The following SLC4A5 variants were observed in gnomAD, a reference collection of about 807,000 sequenced individuals.
SLC4A5 encodes the protein electrogenic sodium bicarbonate cotransporter 4.
Under a neutral mutation model 120.4 loss-of-function variants are expected in SLC4A5, and 96 were observed. The ratio of observed to expected loss-of-function variants is 0.80; its 90% confidence interval spans 0.68 to 0.94. The LOEUF (loss-of-function observed/expected upper bound fraction) is 0.94, where lower values mean the gene tolerates loss of function less well. Among genes scored for constraint, SLC4A5 ranks in the 40% least tolerant of loss-of-function variants. The pLI, the probability that SLC4A5 is intolerant of heterozygous loss-of-function variation, is 0.00. For synonymous variants in SLC4A5, 550 were observed against 571.1 expected (o/e 0.96, Z 0.53); for missense variants, 1,259 against 1,459.5 (o/e 0.86, Z 2.24).
At chr2:74,254,917 T>G (rs1670914235) in intron 13 of SLC4A5, among the ~76,000 whole-genome samples, 2 of 151,360 alleles carry the variant, frequency 1.3e-5, no homozygotes, top group African/African-American at 2.4e-5. Flanking sequence ...CCTCCTAGGC[T>G]CAAGTGATCC....
At chr2:74,258,823 G>T (rs901931676) in intron 12 of SLC4A5, among the ~76,000 whole-genome samples, 2 of 152,104 alleles carry the variant, frequency 1.3e-5, no homozygotes. Context: ...TGACATGAGG[G>T]GCTGACTTTG....
chr2:74,271,479 T>G (rs1253930498), intron 8 of SLC4A5, among the ~76,000 whole-genome samples: 1 of 152,080 alleles, frequency 6.6e-6, no homozygotes. Flanking sequence ...TAGGTAAAGT[T>G]TCTAACTTCT....
At chr2:74,228,675 A>T (rs1239194207) in intron 25 of SLC4A5, among the ~76,000 whole-genome samples, 1 of 139,332 alleles carries the variant, frequency 7.2e-6, no homozygotes, top group East Asian at 2.1e-4. Context: ...CCCCAAAAAA[A>T]CCAAAAAAAA....
chr2:74,330,885 A>G (rs72903288), intron 4 of SLC4A5, among the ~76,000 whole-genome samples: 1,917 of 10,624 alleles, frequency 0.18, 166 homozygotes, highest in East Asian at 0.46. Context: ...GGTGAGGTCT[A>G]GATGTGGGTG....
At chr2:74,264,382 G>T in intron 9 of SLC4A5, 83 bp from the exon 10 acceptor site, 1 of 1,479,350 alleles carries the variant, frequency 6.8e-7, no homozygotes. Context: ...CCTGTTATTA[G>T]TGGGATTAAA....
At chr2:74,310,816 G>T (rs1672782949) in intron 6 of SLC4A5, among the ~76,000 whole-genome samples, 1 of 152,082 alleles carries the variant, frequency 6.6e-6, no homozygotes, top group Non-Finnish European at 1.5e-5. Flanking sequence ...GACTTCATGG[G>T]ATTAGTTAGA....
At position 74,225,001 on chromosome 2, in the gene SLC4A5, G is replaced by A; in HGVS notation, c.3091-6C>T. On this transcript the variant is annotated splice_region_variant and splice_polypyrimidine_tract_variant and intron_variant, in intron 27 of 30. Transcript: ENST00000394019. ...ACGATGATGAGGCCCAGGATCTGTGGTGGAGAGAGACTAAAGTTTTGTGAG... is the reference window on the plus strand; with the variant it reads ...ACGATGATGAGGCCCAGGATCTGTGATGGAGAGAGACTAAAGTTTTGTGAG... 6.2e-7 allele frequency: 1 copy of A among 1,606,162 alleles called. No homozygotes were observed. Among genetic ancestry groups the A allele is most frequent in the Non-Finnish European group, 8.5e-7 (1 of 1,178,176 alleles).
At chr2:74,251,045 C>T (rs938898867) in intron 16 of SLC4A5, among the ~76,000 whole-genome samples, 2 of 152,194 alleles carry the variant, frequency 1.3e-5, no homozygotes, top group African/African-American at 4.8e-5. Flanking sequence ...ACTGGGATTG[C>T]TATTCCCATA....
intron 3 of SLC4A5, among the ~76,000 whole-genome samples, chr2:74,336,829 C>A (rs1260867929): frequency 6.6e-6 from 1 of 152,214 alleles, no homozygotes; most frequent in East Asian, 1.9e-4. Context: ...CCTTCTCCAG[C>A]CTGATACTCC....
chr2:74,219,372 CT>C (rs2103858630), intron 30 of SLC4A5, among the ~76,000 whole-genome samples: 1 of 152,240 alleles, frequency 6.6e-6, no homozygotes, highest in South Asian at 2.1e-4. Context: ...CTCCGATATT[CT>C]TGCACAGGGT....
At chr2:74,320,949 A>G (rs898340978) in intron 5 of SLC4A5, among the ~76,000 whole-genome samples, 2 of 152,240 alleles carry the variant, frequency 1.3e-5, no homozygotes, top group Non-Finnish European at 2.9e-5. Context: ...AGCAATATTT[A>G]CACAGTCATA....
At chr2:74,311,015 T>C (rs572766395) in intron 6 of SLC4A5, among the ~76,000 whole-genome samples, 2 of 152,184 alleles carry the variant, frequency 1.3e-5, no homozygotes, top group East Asian at 3.9e-4. Context: ...AAATTATTTA[T>C]TTCTCCTGTG....
intron 8 of SLC4A5, among the ~76,000 whole-genome samples, chr2:74,277,981 A>G (rs1671698282): frequency 6.6e-6 from 1 of 152,162 alleles, no homozygotes; most frequent in Admixed American, 6.5e-5. Context: ...TGAAACTTTG[A>G]TGAAGCTGGG....
At position 74,242,275 on chromosome 2, in the gene SLC4A5, C is replaced by T. The variant is rs189675886; in HGVS notation, c.2060-223G>A. Among the ~76,000 whole-genome samples, 150 of 152,328 alleles carry T rather than the reference C, an allele frequency of 9.8e-4. 1 individual carries two copies. Among genetic ancestry groups the T allele is most frequent in the African/African-American group, 3.4e-3 (143 of 41,584 alleles). On this transcript the variant is annotated intron_variant, in intron 19 of 30. Coordinates refer to ENST00000394019, the Ensembl canonical transcript of SLC4A5. Reference sequence around the variant, plus strand: ...ACAGACCAGCTGGGCCAGGACAGCACCTGCCTGACCACGAACAGCTGGTTT... The same window carrying T: ...ACAGACCAGCTGGGCCAGGACAGCATCTGCCTGACCACGAACAGCTGGTTT...
intron 29 of SLC4A5, among the ~76,000 whole-genome samples, 171 bp from the exon 30 acceptor site, chr2:74,221,672 C>T (rs1694652131): frequency 6.6e-6 from 1 of 152,162 alleles, no homozygotes; most frequent in African/African-American, 2.4e-5. Context: ...ACTCCTTCAC[C>T]CAGAAGGTGC....
At chr2:74,269,131 T>A (rs1022641978) in intron 8 of SLC4A5, among the ~76,000 whole-genome samples, 3 of 152,188 alleles carry the variant, frequency 2.0e-5, no homozygotes, top group Non-Finnish European at 4.4e-5. Context: ...CAAGACTATG[T>A]GATATCGAAA....
chr2:74,331,542 GA>G (rs1673367171), intron 4 of SLC4A5, among the ~76,000 whole-genome samples: 1 of 151,924 alleles, frequency 6.6e-6, no homozygotes, highest in Non-Finnish European at 1.5e-5. Flanking sequence ...GTCCTCCTTT[GA>G]TTACACATGT....
intron 7 of SLC4A5, chr2:74,290,422 G>A (rs1265494166): frequency 4.1e-6 from 4 of 985,472 alleles, no homozygotes; most frequent in Non-Finnish European, 4.8e-6. Flanking sequence ...AAGAAGGGGG[G>A]TTTGAGGGGA....
chr2:74,297,587 A>G (rs1026297398), intron 7 of SLC4A5, among the ~76,000 whole-genome samples: 1 of 152,170 alleles, frequency 6.6e-6, no homozygotes, highest in Non-Finnish European at 1.5e-5. Context: ...GTGCAACCAC[A>G]TTTCTAAAGC....
Sources: allele counts gnomAD v4.1 joint callset (sites outside exome capture counted in the v4.1 genomes callset), GRCh38; gene constraint gnomAD v4.1.1; transcripts MANE v1.5; gene names NCBI Gene and HGNC (gene_info 2026-07-23, HGNC 2026-07-21).